The following PHTF1 variants were observed in gnomAD, a reference collection of about 807,000 sequenced individuals.
The protein encoded by PHTF1 is protein PHTF1.
In PHTF1, 88 loss-of-function variants were observed where a neutral mutation model predicts 102.4. The ratio of observed to expected loss-of-function variants is 0.86; its 90% CI spans 0.72 to 1.03. The LOEUF (loss-of-function observed/expected upper bound fraction) is 1.03, where lower values mean the gene tolerates loss of function less well. Among genes scored for constraint, PHTF1 ranks in the 50% least tolerant of loss-of-function variants. The pLI, the probability that PHTF1 is intolerant of heterozygous loss-of-function variation, is 0.00. For synonymous variants in PHTF1, 289 were observed against 305.2 expected, an observed-to-expected ratio of 0.95 and a Z score of 0.55; for missense variants, 814 against 909.5, an observed-to-expected ratio of 0.89 and a Z score of 1.35.
chr1:113,721,110 T>C (rs79725969), intron 7 of PHTF1, among the ~76,000 whole-genome samples: 7,441 of 151,956 alleles, frequency 0.049, 220 homozygotes, highest in East Asian at 0.088. Flanking sequence ...GTCTCAAATA[T>C]TAGTAACAAT....
chr1:113,699,521 G>T, intron 17 of PHTF1, 183 bp downstream of exon 17: 1 of 658,006 alleles, frequency 1.5e-6, no homozygotes, highest in Non-Finnish European at 2.8e-6. Context: ...GCCTCCAGGA[G>T]CTCTGTGACC....
chr1:113,700,218 T>A (rs1417337748), intron 16 of PHTF1: 1 of 915,080 alleles, frequency 1.1e-6, no homozygotes, highest in Non-Finnish European at 1.3e-6. Context: ...TATTTTGCCT[T>A]GTAGGAAGAA....
chr1:113,717,310 A>G (rs1198672071), intron 7 of PHTF1, among the ~76,000 whole-genome samples: 1 of 152,206 alleles, frequency 6.6e-6, no homozygotes, highest in Admixed American at 6.5e-5. Flanking sequence ...GGAAAGAAAG[A>G]AGAGATCACA....
chr1:113,711,659 G>A, intron 10 of PHTF1, 87 bp downstream of exon 10: 3 of 943,280 alleles, frequency 3.2e-6, no homozygotes, highest in Non-Finnish European at 5.0e-6. Flanking sequence ...TAATGTAAAT[G>A]CTACTTTAGG....
At chr1:113,713,222 A>C (rs1651421859) in intron 8 of PHTF1, 57 bp downstream of exon 8, 3 of 1,470,828 alleles carry the variant, frequency 2.0e-6, no homozygotes, top group East Asian at 4.5e-5. Flanking sequence ...ACAGAATCTT[A>C]ATAGGAAAAT....
Position 113,710,290 on chromosome 1 carries a change from C to A in PHTF1, c.1233G>T (p.Gly411=). 1 of 1,613,800 alleles carries A rather than the reference C, an allele frequency of 6.2e-7. No homozygotes were observed. The change falls in exon 11 of 19, where the codon GGG becomes GGT. Residue 411 remains glycine (G), a synonymous_variant. Coordinates refer to ENST00000369604, the MANE Select transcript of PHTF1 (RefSeq NM_001323043.2). ...CATCCTCTTTGGGGTCACGTTTGGT[C>A]CCTGAGTGAAGGGTATTCACATGGG... is the stretch of plus-strand genomic sequence containing the variant. ...EGAHVNTLHS[G]TKRDPKEDVF...
intron 5 of PHTF1, among the ~76,000 whole-genome samples, chr1:113,735,676 T>C (rs898315288): frequency 5.9e-5 from 9 of 152,138 alleles, no homozygotes; most frequent in African/African-American, 1.9e-4. Context: ...CGCGGAACAT[T>C]TCCATTACAG....
chr1:113,758,614 C>T, intron 2 of PHTF1, 45 bp downstream of exon 2: 2 of 1,190,418 alleles, frequency 1.7e-6, no homozygotes, highest in South Asian at 1.6e-5. Context: ...GAGCTTTTTG[C>T]AGGAAGAATG....
chr1:113,733,599 CTTA>C lies in PHTF1; in HGVS notation c.331+4508_331+4510del, dbSNP rs542924306. Among the ~76,000 whole-genome samples, 398 of 152,158 alleles carry C rather than the reference CTTA, an allele frequency of 2.6e-3. 2 individuals are homozygous for C. Among genetic ancestry groups the C allele is most frequent in the Non-Finnish European group, 4.2e-3 (286 of 68,008 alleles). On this transcript the variant is annotated intron_variant, in intron 5 of 18. Transcript: ENST00000369604. ...AGCTCTCATGAATGAGATTAGTAAC[CTTA>C]TTAACGAGATTCCAGAGAGCTCCTG... is the stretch of plus-strand genomic sequence containing the variant.
rs1011442749 is a variant in PHTF1, at chr1:113,700,969, A to C, written c.1891-20T>G. The C allele has an allele frequency of 6.4e-7, 1 of 1,570,084 alleles. No individual in the cohort carries two copies. Among genetic ancestry groups the C allele is most frequent in the Admixed American group, 2.1e-5 (1 of 48,632 alleles). On this transcript the variant is annotated intron_variant, in intron 15 of 18. Coordinates refer to ENST00000369604, the MANE Select transcript of PHTF1 (RefSeq NM_001323043.2). ...GAGAACCTATACAAAGGATCAAAAA[A>C]AAGTTAAGTTTTTCATTTACCTTAA...
rs1659369067 is a variant in PHTF1 at position 113,759,325 on chromosome 1, G to C, written c.-333C>G. Reference sequence around the variant, plus strand: ...AAAATGAGGGGGATTAAAAGTGAAGGCCTCCAGTCGCCACGGCGACAGCAA... The same window carrying C: ...AAAATGAGGGGGATTAAAAGTGAAGCCCTCCAGTCGCCACGGCGACAGCAA... On this transcript the variant is annotated 5_prime_UTR_variant, in exon 1 of 19. Transcript: ENST00000369604. 2.0e-5 allele frequency: 3 copies of C among 152,894 alleles called. No homozygotes were observed. In the South Asian group the frequency reaches 6.2e-4, roughly 31 times the overall value. The allele number at this position is 152,894 out of a possible 1,614,324, so 9.5% of individuals were successfully genotyped here.
At position 113,698,316 on chromosome 1, in the gene PHTF1, A is replaced by G; in HGVS notation, c.2214T>C (p.Val738=). ...NPLIYNITRV[V]ILSAVSGVIS... is the part of the protein sequence containing the mutation. Reference sequence around the variant, plus strand: ...TAACACCTGAGACAGCAGAAAGGATAACTACTCTTGTGATATTGTAGATTA... The same window carrying G: ...TAACACCTGAGACAGCAGAAAGGATGACTACTCTTGTGATATTGTAGATTA... The change falls in exon 18 of 19, where the codon GTT becomes GTC. Residue 738 remains valine (V), a synonymous_variant. Transcript: ENST00000369604. The G allele has an allele frequency of 6.2e-7, 1 of 1,607,834 alleles. No individual in the cohort carries two copies. The highest frequency in any genetic ancestry group is 1.7e-5 in the Admixed American group (1 of 60,016).
intron 11 of PHTF1, among the ~76,000 whole-genome samples, chr1:113,708,887 T>C (rs1376084713): frequency 6.6e-6 from 1 of 152,132 alleles, no homozygotes; most frequent in Non-Finnish European, 1.5e-5. Flanking sequence ...TGAAAACTAA[T>C]GTAATTTAGA....
rs376010537 is a variant in PHTF1, at chr1:113,700,774, T to C, written c.2046+20A>G. 247 of 1,609,068 alleles carry C rather than the reference T, an allele frequency of 1.5e-4. 3 individuals carry two copies. The South Asian group carries it at 2.2e-3, about 14-fold the overall frequency. ...CGCTACCCCTAACCACTAAACCCAATTGACAGGACTGATCAATACCTGTTC... is the reference window on the plus strand; with the variant it reads ...CGCTACCCCTAACCACTAAACCCAACTGACAGGACTGATCAATACCTGTTC... On this transcript the variant is annotated intron_variant, in intron 16 of 18. Coordinates refer to ENST00000369604, the MANE Select transcript of PHTF1 (RefSeq NM_001323043.2).
intron 3 of PHTF1, among the ~76,000 whole-genome samples, chr1:113,743,649 T>G (rs1656758789): frequency 6.6e-6 from 1 of 152,194 alleles, no homozygotes; most frequent in Non-Finnish European, 1.5e-5. Flanking sequence ...CCAGCATCAC[T>G]CCAAACACAT....
At chr1:113,717,355 G>GT (rs1285950839) in intron 7 of PHTF1, among the ~76,000 whole-genome samples, 5 of 152,046 alleles carry the variant, frequency 3.3e-5, no homozygotes, top group Non-Finnish European at 5.9e-5. Flanking sequence ...AGTGGCAGGA[G>GT]TAAGTCCTTA....
chr1:113,737,599 A>C (rs1004457857), intron 5 of PHTF1, among the ~76,000 whole-genome samples: 1 of 152,142 alleles, frequency 6.6e-6, no homozygotes, highest in Non-Finnish European at 1.5e-5. Flanking sequence ...AGAATTCAAG[A>C]CCAGCCTGGG....
intron 5 of PHTF1, among the ~76,000 whole-genome samples, chr1:113,727,875 G>A (rs1038000701): frequency 4.6e-5 from 7 of 152,164 alleles, no homozygotes; most frequent in African/African-American, 9.7e-5. Flanking sequence ...TCAGGAGGCT[G>A]AGGTGGGAGG....
At chr1:113,724,067 A>G (rs562135491) in intron 7 of PHTF1, among the ~76,000 whole-genome samples, 2 of 152,328 alleles carry the variant, frequency 1.3e-5, no homozygotes, top group Admixed American at 6.5e-5. Flanking sequence ...CCACAGTGAG[A>G]TATCATCTCA....
Sources: allele counts gnomAD v4.1 joint callset (sites outside exome capture counted in the v4.1 genomes callset), GRCh38; gene constraint gnomAD v4.1.1; transcripts MANE v1.5; gene names NCBI Gene and HGNC (gene_info 2026-07-23, HGNC 2026-07-21).